Variants in FAF1 observed in about 807,000 individuals in gnomAD.
FAF1 encodes FAS-associated factor 1.
Under a neutral mutation model 92.5 loss-of-function variants are expected in FAF1, and 25 were observed. The ratio of observed to expected loss-of-function variants is 0.27; its 90% confidence interval spans 0.20 to 0.38. The LOEUF is 0.38. Ranked by LOEUF, FAF1 falls within the 10% of genes least tolerant of loss-of-function variation. The probability of loss-of-function intolerance (pLI) is 1.00; values close to 1 mark genes in which losing one functional copy is unlikely to be tolerated. For synonymous variants in FAF1, 234 were observed against 273.2 expected (o/e 0.86, Z 1.42); for missense variants, 636 against 793.3 (o/e 0.80, Z 2.38).
chr1:50,448,134 G>A (rs1315950614), intron 18 of FAF1, among the ~76,000 whole-genome samples: 1 of 152,208 alleles, frequency 6.6e-6, no homozygotes, highest in Non-Finnish European at 1.5e-5. Flanking sequence ...TCCACTGGGT[G>A]AAAGGTTATT....
chr1:50,922,367 G>A (rs1242572380), intron 1 of FAF1, among the ~76,000 whole-genome samples: 4 of 142,114 alleles, frequency 2.8e-5, no homozygotes, highest in Non-Finnish European at 4.5e-5. Context: ...GCTGAGGCAG[G>A]AGAATCGCTT....
intron 13 of FAF1, among the ~76,000 whole-genome samples, chr1:50,557,641 A>G (rs7525038): frequency 0.014 from 2,096 of 152,308 alleles, 46 homozygotes; most frequent in African/African-American, 0.046. Flanking sequence ...CAAATTACTT[A>G]TATCACTGAA....
intron 2 of FAF1, among the ~76,000 whole-genome samples, chr1:50,827,674 G>T (rs1294444502): frequency 3.3e-5 from 5 of 151,700 alleles, no homozygotes; most frequent in Non-Finnish European, 7.4e-5. Context: ...TCCAGACACA[G>T]CTTCACTAAT....
At chr1:50,492,278 C>A (rs780888479) in intron 15 of FAF1, among the ~76,000 whole-genome samples, 20 of 152,122 alleles carry the variant, frequency 1.3e-4, no homozygotes, top group Non-Finnish European at 2.6e-4. Flanking sequence ...AGGAAGTAAT[C>A]CCTGGGTCAG....
intron 4 of FAF1, among the ~76,000 whole-genome samples, chr1:50,777,518 C>A (rs1661006598): frequency 6.6e-6 from 1 of 151,912 alleles, no homozygotes; most frequent in Non-Finnish European, 1.5e-5. Flanking sequence ...TAAGTCAACA[C>A]TATAAAAATA....
intron 2 of FAF1, among the ~76,000 whole-genome samples, chr1:50,849,597 A>T (rs1162246261): frequency 1.3e-5 from 2 of 152,210 alleles, no homozygotes; most frequent in African/African-American, 4.8e-5. Flanking sequence ...ATTTTAGTCT[A>T]TACAGACTAT....
chr1:50,695,577 T>C (rs1259517016), intron 7 of FAF1, among the ~76,000 whole-genome samples: 1 of 152,158 alleles, frequency 6.6e-6, no homozygotes, highest in Non-Finnish European at 1.5e-5. Context: ...ATCTTTAAAA[T>C]CTATAAAATG....
intron 8 of FAF1, among the ~76,000 whole-genome samples, chr1:50,617,178 T>C (rs990686003): frequency 6.6e-6 from 1 of 152,206 alleles, no homozygotes; most frequent in South Asian, 2.1e-4. Flanking sequence ...AGTACTATGT[T>C]AAATAGGAGT....
At chr1:50,649,713 C>G (rs1261727044) in intron 8 of FAF1, among the ~76,000 whole-genome samples, 2 of 142,524 alleles carry the variant, frequency 1.4e-5, no homozygotes, top group East Asian at 4.2e-4. Flanking sequence ...CAGGCCGAGG[C>G]AGGTGGATCA....
At chr1:50,914,404 C>A (rs572113906) in intron 1 of FAF1, among the ~76,000 whole-genome samples, 18 of 152,304 alleles carry the variant, frequency 1.2e-4, no homozygotes, top group South Asian at 4.1e-4. Flanking sequence ...ACCATCAATT[C>A]TTAATTCTTC....
intron 8 of FAF1, among the ~76,000 whole-genome samples, chr1:50,596,648 C>T (rs929626736): frequency 5.9e-5 from 9 of 152,110 alleles, no homozygotes; most frequent in African/African-American, 1.9e-4. Context: ...CAGAAATATA[C>T]AAAAATCTAA....
chr1:50,486,110 G>A (rs1034851480), intron 17 of FAF1, among the ~76,000 whole-genome samples: 7 of 152,086 alleles, frequency 4.6e-5, no homozygotes, highest in African/African-American at 1.7e-4. Flanking sequence ...AAGTGCCAAG[G>A]TTTCTAATTC....
chr1:50,585,517 C>T (rs1651184896), intron 9 of FAF1, among the ~76,000 whole-genome samples: 1 of 152,102 alleles, frequency 6.6e-6, no homozygotes, highest in Non-Finnish European at 1.5e-5. Flanking sequence ...AAGAACTAGG[C>T]TGTTATTCTC....
At chr1:50,706,912 TAGAC>T (rs1182997705) in intron 6 of FAF1, among the ~76,000 whole-genome samples, 2 of 152,246 alleles carry the variant, frequency 1.3e-5, no homozygotes, top group African/African-American at 4.8e-5. Flanking sequence ...AGATCAGAAT[TAGAC>T]AGATAGGACG....
intron 8 of FAF1, among the ~76,000 whole-genome samples, chr1:50,616,681 ATTTT>A (rs201295380): frequency 7.3e-6 from 1 of 136,166 alleles, no homozygotes; most frequent in African/African-American, 2.7e-5. Flanking sequence ...TTGTATACTG[ATTTT>A]TTTTTTTTTT....
At chr1:50,838,477 TTATA>T (rs1183242133) in intron 2 of FAF1, among the ~76,000 whole-genome samples, 6 of 148,646 alleles carry the variant, frequency 4.0e-5, no homozygotes, top group African/African-American at 1.5e-4. Context: ...AAATATATAA[TTATA>T]TATAAATATA....
intron 13 of FAF1, among the ~76,000 whole-genome samples, chr1:50,546,884 C>G (rs890277564): frequency 6.6e-6 from 1 of 152,112 alleles, no homozygotes; most frequent in Non-Finnish European, 1.5e-5. Flanking sequence ...AAACCTTTAA[C>G]AGTGTTAAAC....
chr1:50,574,487 TC>T (rs2149061084), intron 12 of FAF1, among the ~76,000 whole-genome samples: 1 of 152,294 alleles, frequency 6.6e-6, no homozygotes, highest in South Asian at 2.1e-4. Flanking sequence ...GAAGGATTTT[TC>T]TAACCCTTTA....
intron 7 of FAF1, among the ~76,000 whole-genome samples, chr1:50,661,358 G>C (rs955528187): frequency 4.6e-5 from 7 of 152,172 alleles, no homozygotes; most frequent in African/African-American, 1.2e-4. Context: ...AAAATTTTTT[G>C]AAATCTGGCC....
Sources: allele counts gnomAD v4.1 joint callset (sites outside exome capture counted in the v4.1 genomes callset), GRCh38; gene constraint gnomAD v4.1.1; transcripts MANE v1.5; gene names NCBI Gene and HGNC (gene_info 2026-07-23, HGNC 2026-07-21).